NAA60: variants seen among roughly 807,000 people sequenced by gnomAD.
NAA60 encodes the protein N-alpha-acetyltransferase 60, NatF catalytic subunit, also known as N-alpha-acetyltransferase 60.
NAA60 carries 8 observed loss-of-function variants against 26.1 expected under a neutral mutation model. That is an observed-to-expected ratio of 0.31 (90% CI 0.18 to 0.55). The LOEUF is 0.55. Among genes scored for constraint, NAA60 ranks in the 20% least tolerant of loss-of-function variants. The probability of loss-of-function intolerance (pLI) is 0.93; values close to 1 mark genes in which losing one functional copy is unlikely to be tolerated. For missense variants in NAA60, 290 were observed against 311.3 expected (o/e 0.93, Z 0.51); for synonymous variants, 131 against 122.5 (o/e 1.07, Z -0.46).
chr16:3,448,631 G>C (rs2034649473), intron 2 of NAA60, 91 bp downstream of exon 2: 2 of 1,056,190 alleles, frequency 1.9e-6, no homozygotes, highest in African/African-American at 3.2e-5. Context: ...GACCTGTCAA[G>C]TATTAAATAT....
intron 2 of NAA60, among the ~76,000 whole-genome samples, chr16:3,460,740 G>C (rs571193435): frequency 6.6e-6 from 1 of 152,274 alleles, no homozygotes; most frequent in East Asian, 1.9e-4. Flanking sequence ...CATCGAAGCT[G>C]GTTCTGCTTA....
chr16:3,450,557 G>T (rs946146925), intron 2 of NAA60, among the ~76,000 whole-genome samples: 1 of 151,982 alleles, frequency 6.6e-6, no homozygotes, highest in Admixed American at 6.6e-5. Flanking sequence ...AAAATTAGCC[G>T]AGCGTGGTGG....
Position 3,478,543 on chromosome 16 carries a change from T to TCTGGGG in NAA60, c.111-917_111-912dup, listed in dbSNP as rs1310980522. Among the ~76,000 whole-genome samples, 6 of 152,300 alleles carry TCTGGGG rather than the reference T, an allele frequency of 3.9e-5. No homozygotes were observed. In the East Asian group the frequency reaches 7.7e-4, roughly 20 times the overall value. ...GCCTCTGTCCTCCTGACCTTGTCTCTCTGGGGCTGGGGCTGGATTCGCCTG... is the reference window on the plus strand; with the variant it reads ...GCCTCTGTCCTCCTGACCTTGTCTCTCTGGGGCTGGGGCTGGGGCTGGATTCGCCTG... On this transcript the variant is annotated intron_variant, in intron 3 of 7. Coordinates refer to ENST00000407558, the MANE Select transcript of NAA60 (RefSeq NM_001083601.3).
chr16:3,468,899 C>G (rs1596324565), intron 2 of NAA60, among the ~76,000 whole-genome samples: 3 of 152,296 alleles, frequency 2.0e-5, no homozygotes, highest in Non-Finnish European at 2.9e-5. Flanking sequence ...ATTGGCCTGA[C>G]AAGGCCAACA....
At chr16:3,475,018 C>T (rs1480445316) in intron 2 of NAA60, among the ~76,000 whole-genome samples, 5 of 151,572 alleles carry the variant, frequency 3.3e-5, no homozygotes, top group African/African-American at 4.8e-5. Context: ...TGGGTTCAGG[C>T]GATCCTCCCA....
At chr16:3,480,201 C>G (rs1257948981) in intron 4 of NAA60, among the ~76,000 whole-genome samples, 1 of 152,138 alleles carries the variant, frequency 6.6e-6, no homozygotes, top group Non-Finnish European at 1.5e-5. Flanking sequence ...ATCCCAGCAT[C>G]TGAGGTAATG....
chr16:3,465,249 A>G (rs1171053642), intron 2 of NAA60, among the ~76,000 whole-genome samples: 4 of 150,130 alleles, frequency 2.7e-5, no homozygotes, highest in Non-Finnish European at 5.9e-5. Flanking sequence ...CCTGGGCGAC[A>G]GAGCGAGACT....
intron 2 of NAA60, among the ~76,000 whole-genome samples, chr16:3,464,014 T>C (rs1459066557): frequency 6.6e-6 from 1 of 152,142 alleles, no homozygotes; most frequent in South Asian, 2.1e-4. Flanking sequence ...AGGCAGAAAT[T>C]TGGATTACTT....
chr16:3,451,810 C>T (rs1397759617), intron 2 of NAA60, among the ~76,000 whole-genome samples: 1 of 150,100 alleles, frequency 6.7e-6, no homozygotes, highest in Non-Finnish European at 1.5e-5. Flanking sequence ...CCCAGCTACT[C>T]GGGAGGCTAA....
At chr16:3,474,690 G>A (rs1033587590) in intron 2 of NAA60, among the ~76,000 whole-genome samples, 3 of 152,232 alleles carry the variant, frequency 2.0e-5, no homozygotes, top group African/African-American at 7.2e-5. Context: ...GGGGGCCCAG[G>A]GGCTTGCCTC....
At chr16:3,468,857 C>T (rs12446183) in intron 2 of NAA60, among the ~76,000 whole-genome samples, 9,406 of 152,242 alleles carry the variant, frequency 0.062, 382 homozygotes, top group Admixed American at 0.084. Flanking sequence ...AGGTGGATCA[C>T]GAGGTTAGGG....
intron 2 of NAA60, among the ~76,000 whole-genome samples, chr16:3,471,847 AAGG>A (rs2150992882): frequency 6.6e-6 from 1 of 152,150 alleles, no homozygotes; most frequent in South Asian, 2.1e-4. Context: ...TTCCTGTAGC[AAGG>A]AGGAGGCCGT....
intron 4 of NAA60, among the ~76,000 whole-genome samples, chr16:3,481,541 G>A (rs973696554): frequency 6.6e-6 from 1 of 152,140 alleles, no homozygotes; most frequent in Non-Finnish European, 1.5e-5. Flanking sequence ...TCTGGAATGT[G>A]TTTGTGTTCC....
At chr16:3,482,775 C>T (rs753472269) in intron 5 of NAA60, 177 bp downstream of exon 5, 20 of 627,528 alleles carry the variant, frequency 3.2e-5, no homozygotes, top group Non-Finnish European at 5.5e-5. Flanking sequence ...CATCCCTCCC[C>T]TGCCAGCACA....
chr16:3,451,813 G>C (rs951450127), intron 2 of NAA60, among the ~76,000 whole-genome samples: 1 of 151,944 alleles, frequency 6.6e-6, no homozygotes, highest in African/African-American at 2.4e-5. Flanking sequence ...AGCTACTCGG[G>C]AGGCTAAGGC....
chr16:3,445,940 T>C (rs2034533008), intron 1 of NAA60, among the ~76,000 whole-genome samples: 1 of 152,154 alleles, frequency 6.6e-6, no homozygotes, highest in African/African-American at 2.4e-5. Context: ...AGACCAAGAT[T>C]GAAAAATTAG....
chr16:3,465,148 C>T (rs59704451), intron 2 of NAA60, among the ~76,000 whole-genome samples: 27,499 of 151,578 alleles, frequency 0.18, 3,863 homozygotes, highest in African/African-American at 0.39. Context: ...GCGCCTGTAG[C>T]CCCAGCTACT....
At chr16:3,449,862 C>T (rs989113754) in intron 2 of NAA60, 5 of 377,934 alleles carry the variant, frequency 1.3e-5, no homozygotes, top group African/African-American at 8.3e-5. Context: ...CTGCACAAGC[C>T]CTCTTTTGTC....
At chr16:3,482,234 G>C (rs140626833) in intron 4 of NAA60, among the ~76,000 whole-genome samples, 2 of 152,176 alleles carry the variant, frequency 1.3e-5, no homozygotes, top group Admixed American at 1.3e-4. Flanking sequence ...CCTCATTCCC[G>C]TCCTTGGCTA....
Sources: allele counts gnomAD v4.1 joint callset (sites outside exome capture counted in the v4.1 genomes callset), GRCh38; gene constraint gnomAD v4.1.1; transcripts MANE v1.5; gene names NCBI Gene and HGNC (gene_info 2026-07-23, HGNC 2026-07-21).